Variants in DDX24 observed in about 807,000 individuals in gnomAD.
DDX24 encodes ATP-dependent RNA helicase DDX24.
A neutral mutation model predicts 68.9 loss-of-function variants in DDX24; 24 were observed. The ratio of observed to expected loss-of-function variants is 0.35; its 90% CI spans 0.25 to 0.49. The LOEUF (loss-of-function observed/expected upper bound fraction) is 0.49. Ranked by LOEUF, DDX24 falls within the 20% of genes least tolerant of loss-of-function variation. DDX24 has a pLI of 0.99. For missense variants in DDX24, 989 were observed against 1,039.0 expected (o/e 0.95, Z 0.66); for synonymous variants, 395 against 385.2 (o/e 1.03, Z -0.30).
chr14:94,064,568 C>T (rs1885660811), intron 2 of DDX24, among the ~76,000 whole-genome samples: 1 of 152,170 alleles, frequency 6.6e-6, no homozygotes, highest in Admixed American at 6.5e-5. Context: ...ATGGAACCTC[C>T]ACAAAATCTC....
At chr14:94,073,476 A>G (rs530834921) in intron 2 of DDX24, among the ~76,000 whole-genome samples, 1 of 152,316 alleles carries the variant, frequency 6.6e-6, no homozygotes, top group East Asian at 1.9e-4. Flanking sequence ...AAATATAAAT[A>G]AGGGAAAGTA....
In DDX24 at chr14:94,057,864, C is replaced by A. The variant is rs777703326; in HGVS notation, c.1947G>T (p.Arg649=). The change falls in exon 6 of 9, where the codon CGG becomes CGT. Residue 649 remains arginine (R), a synonymous_variant. Coordinates refer to ENST00000621632, the MANE Select transcript of DDX24 (RefSeq NM_020414.4). ...CVLLATDVAA[R]GLDIPKVQHV... ...GCTGGACTTTAGGAATATCCAGACC[C>A]CGAGCTGCCACATCTGTTGCCAAGA... The A allele has an allele frequency of 6.2e-7, 1 of 1,613,936 alleles. No homozygotes were observed. The highest frequency in any genetic ancestry group is 1.1e-5 in the South Asian group (1 of 91,062).
In DDX24 at chr14:94,051,172, C is replaced by A. The variant is rs1449417324; in HGVS notation, c.*19G>T. On this transcript the variant is annotated 3_prime_UTR_variant, in exon 9 of 9. Coordinates refer to ENST00000621632, the MANE Select transcript of DDX24 (RefSeq NM_020414.4). ...CAGAGAACAGAAACCAATGTGCAGT[C>A]ACTGACACACTTGACCAGTTAATTT... The A allele has an allele frequency of 6.7e-7, 1 of 1,483,688 alleles. No homozygotes were observed. The allele number at this position is 1,483,688 out of a possible 1,614,324, so 91.9% of individuals were successfully genotyped here.
chr14:94,071,007 A>G (rs1885816070), intron 2 of DDX24, among the ~76,000 whole-genome samples: 1 of 152,250 alleles, frequency 6.6e-6, no homozygotes, highest in Non-Finnish European at 1.5e-5. Context: ...AAAGATAAAT[A>G]TCTGGGACCT....
chr14:94,074,607 G>A (rs1595380336), intron 2 of DDX24, among the ~76,000 whole-genome samples: 1 of 152,274 alleles, frequency 6.6e-6, no homozygotes, highest in East Asian at 1.9e-4. Context: ...CTACAGCTAA[G>A]ATCAGACTTA....
At chr14:94,056,298 C>G (rs1456651441) in intron 6 of DDX24, 1 of 152,212 alleles carries the variant, frequency 6.6e-6, no homozygotes, top group Non-Finnish European at 1.5e-5. Context: ...GATAGCCCCC[C>G]AGGTAGTTTC....
rs34711184 is a variant in DDX24 at position 94,050,885 on chromosome 14, T to TAA, written c.*304_*305dup. 0.035 allele frequency: 7,837 copies of TAA among 225,888 alleles called. 430 individuals are homozygous for TAA. Among genetic ancestry groups the TAA allele is most frequent in the African/African-American group, 0.14 (5,520 of 39,132 alleles). The allele number at this position is 225,888 out of a possible 1,614,324, so 14.0% of individuals were successfully genotyped here. ...TACACCACCACCCCCATCTTCTATC[T>TAA]AAAAAAAAAAAAAAAAAATCAGGAT... On this transcript the variant is annotated 3_prime_UTR_variant, in exon 9 of 9. Coordinates refer to ENST00000621632, the MANE Select transcript of DDX24 (RefSeq NM_020414.4).
rs758932389 is a variant in DDX24 at position 94,057,814 on chromosome 14, G to T, written c.1989+8C>A. On this transcript the variant is annotated splice_region_variant and intron_variant, in intron 6 of 8. Coordinates refer to ENST00000621632, the MANE Select transcript of DDX24 (RefSeq NM_020414.4). ...GGCAGATGCCTATAAATTTTCAGAT[G>T]CCCCTACCTGGTAATGGATGACATG... is the stretch of plus-strand genomic sequence containing the variant. 2 of 1,612,648 alleles carry T rather than the reference G, an allele frequency of 1.2e-6. No individual in the cohort carries two copies. Among genetic ancestry groups the T allele is most frequent in the Non-Finnish European group, 1.7e-6 (2 of 1,179,414 alleles).
intron 7 of DDX24, among the ~76,000 whole-genome samples, chr14:94,054,585 C>G (rs962160545): frequency 6.6e-6 from 1 of 152,172 alleles, no homozygotes; most frequent in African/African-American, 2.4e-5. Context: ...CTGGGGAATG[C>G]CTGCTGAGTT....
chr14:94,053,158 G>A (rs1342787586), intron 7 of DDX24, 31 bp from the exon 8 acceptor site: 6 of 1,613,438 alleles, frequency 3.7e-6, no homozygotes, highest in African/African-American at 1.3e-5. Flanking sequence ...ATATTCATCT[G>A]AAATAGAGTT....
intron 1 of DDX24, among the ~76,000 whole-genome samples, chr14:94,080,765 G>A (rs942402950): frequency 6.6e-6 from 1 of 152,148 alleles, no homozygotes; most frequent in African/African-American, 2.4e-5. Flanking sequence ...AGGGCGAGGG[G>A]TGCCACGCGA....
In DDX24 at chr14:94,060,214, G is replaced by A. The variant is rs1329784817; in HGVS notation, c.1797C>T (p.Cys599=). 6.2e-7 allele frequency: 1 copy of A among 1,614,178 alleles called. No homozygotes were observed. The highest frequency in any genetic ancestry group is 2.2e-5 in the East Asian group (1 of 44,880). ...RSLVFANSIS[C]IKRLSGLLKV... Reference sequence around the variant, plus strand: ...TGAGGAGCCCAGAGAGGCGTTTGATGCAGGAGATACTGTTGGCAAACACTA... The same window carrying A: ...TGAGGAGCCCAGAGAGGCGTTTGATACAGGAGATACTGTTGGCAAACACTA... Residue 599 remains cysteine, a synonymous_variant, in exon 5 of 9, where the codon TGC becomes TGT. Transcript: ENST00000621632.
chr14:94,065,912 C>T (rs34030208), intron 2 of DDX24, among the ~76,000 whole-genome samples: 190 of 152,214 alleles, frequency 1.2e-3, no homozygotes, highest in Non-Finnish European at 2.3e-3. Flanking sequence ...GGGAGGGTGG[C>T]CACAGGAGCT....
At chr14:94,056,113 A>C (rs1375754282) in intron 6 of DDX24, 1 of 152,244 alleles carries the variant, frequency 6.6e-6, no homozygotes, top group Non-Finnish European at 1.5e-5. Context: ...TTGACTCCAC[A>C]AAGGTTGACC....
intron 2 of DDX24, among the ~76,000 whole-genome samples, chr14:94,066,971 G>A (rs1398324222): frequency 6.6e-6 from 1 of 152,098 alleles, no homozygotes; most frequent in Admixed American, 6.5e-5. Context: ...CACCAGCAAT[G>A]GATCCAAACC....
At position 94,058,895 on chromosome 14, in the gene DDX24, A is replaced by G. The variant is rs1595374388; in HGVS notation, c.1914-998T>C. On this transcript the variant is annotated intron_variant, in intron 5 of 8. Coordinates refer to ENST00000621632, the MANE Select transcript of DDX24 (RefSeq NM_020414.4). Reference sequence around the variant, plus strand: ...AACTCTGCCGCAAAAGAGGATATTGACAATACATAAATGGGTCTTGCTGTG... The same window carrying G: ...AACTCTGCCGCAAAAGAGGATATTGGCAATACATAAATGGGTCTTGCTGTG... Among the ~76,000 whole-genome samples, 9 of 152,338 alleles carry G rather than the reference A, an allele frequency of 5.9e-5. No individual in the cohort carries two copies. The South Asian group carries it at 1.2e-3, about 21-fold the overall frequency.
intron 2 of DDX24, among the ~76,000 whole-genome samples, chr14:94,070,228 T>C (rs1357831529): frequency 6.6e-6 from 1 of 151,076 alleles, no homozygotes; most frequent in Non-Finnish European, 1.5e-5. Context: ...AGCGACCAAG[T>C]GGAGAATCAA....
intron 7 of DDX24, 168 bp from the exon 8 acceptor site, chr14:94,053,295 C>A: frequency 3.3e-6 from 2 of 597,650 alleles, no homozygotes. Flanking sequence ...CTCCTTGGAT[C>A]AAGCAATCCT....
intron 2 of DDX24, among the ~76,000 whole-genome samples, chr14:94,075,652 G>A (rs1320212229): frequency 6.6e-6 from 1 of 152,142 alleles, no homozygotes; most frequent in Non-Finnish European, 1.5e-5. Flanking sequence ...AAAAGACAAG[G>A]CTAATTTGGA....
Sources: gnomAD v4.1 joint callset for allele counts (sites outside exome capture counted in the v4.1 genomes callset) on GRCh38, gnomAD v4.1.1 for gene constraint, MANE v1.5 for transcripts, NCBI Gene and HGNC (gene_info 2026-07-23, HGNC 2026-07-21) for gene names.